Variants in GRIA4 observed in about 807,000 individuals in gnomAD.
GRIA4 encodes glutamate receptor 4.
GRIA4 carries 34 observed loss-of-function variants against 104.0 expected under a neutral mutation model. The ratio of observed to expected loss-of-function variants is 0.33; its 90% CI spans 0.25 to 0.44. GRIA4 has a LOEUF of 0.44. Ranked by LOEUF, GRIA4 falls within the 20% of genes least tolerant of loss-of-function variation. The probability of loss-of-function intolerance (pLI) is 1.00; values close to 1 mark genes in which losing one functional copy is unlikely to be tolerated. For missense variants in GRIA4, 750 were observed against 1,096.5 expected (o/e 0.68, Z 4.46); for synonymous variants, 386 against 381.9 (o/e 1.01, Z -0.13).
At chr11:105,632,805 T>C (rs1951069366) in intron 3 of GRIA4, among the ~76,000 whole-genome samples, 1 of 152,092 alleles carries the variant, frequency 6.6e-6, no homozygotes, top group Non-Finnish European at 1.5e-5. Context: ...AGAAAAAATT[T>C]TGTAGAAAGT....
At chr11:105,699,286 C>A (rs1046239663) in intron 3 of GRIA4, among the ~76,000 whole-genome samples, 5 of 152,122 alleles carry the variant, frequency 3.3e-5, no homozygotes, top group Non-Finnish European at 5.9e-5. Flanking sequence ...TGTAGGATGT[C>A]CCCAACTTGT....
rs1565378341 is a variant in GRIA4 at position 105,979,744 on chromosome 11, C to A, written c.*5C>A. The A allele has an allele frequency of 6.2e-7, 1 of 1,605,376 alleles. No individual in the cohort carries two copies. On this transcript the variant is annotated 3_prime_UTR_variant, in exon 17 of 17. Transcript: ENST00000282499. Reference sequence around the variant, plus strand: ...ATTGCATCGGACCTACCATAAAAACCAAAAAAATAATTGAGTGCCTTAATT... The same window carrying A: ...ATTGCATCGGACCTACCATAAAAACAAAAAAAATAATTGAGTGCCTTAATT...
chr11:105,881,673 G>A (rs1316514574), intron 5 of GRIA4, among the ~76,000 whole-genome samples: 1 of 151,780 alleles, frequency 6.6e-6, no homozygotes, highest in African/African-American at 2.4e-5. Flanking sequence ...AATTTCTGAC[G>A]TCTCCAAGTA....
intron 4 of GRIA4, among the ~76,000 whole-genome samples, chr11:105,769,588 T>A (rs1161534152): frequency 6.6e-6 from 1 of 151,964 alleles, no homozygotes; most frequent in Non-Finnish European, 1.5e-5. Flanking sequence ...CACCTGAAAA[T>A]TTGAATTCTG....
intron 3 of GRIA4, among the ~76,000 whole-genome samples, chr11:105,641,942 C>T (rs1951372861): frequency 6.6e-6 from 1 of 152,156 alleles, no homozygotes; most frequent in East Asian, 1.9e-4. Flanking sequence ...AGTCTGAGAT[C>T]AAGGAGGCAG....
intron 11 of GRIA4, among the ~76,000 whole-genome samples, chr11:105,920,282 C>G (rs948481589): frequency 4.6e-5 from 7 of 152,080 alleles, no homozygotes; most frequent in African/African-American, 1.7e-4. Context: ...TCATATTGAG[C>G]TTTAAATTCC....
chr11:105,806,494 C>A (rs1453931612), intron 4 of GRIA4, among the ~76,000 whole-genome samples: 1 of 151,902 alleles, frequency 6.6e-6, no homozygotes, highest in African/African-American at 2.4e-5. Context: ...CTCCCCATTT[C>A]TTTCCTAAGT....
intron 3 of GRIA4, among the ~76,000 whole-genome samples, chr11:105,625,013 T>C (rs1950849961): frequency 6.6e-6 from 1 of 152,138 alleles, no homozygotes; most frequent in Admixed American, 6.6e-5. Context: ...ATTATAAATT[T>C]AAAAATGTGT....
At chr11:105,657,253 C>A (rs950190037) in intron 3 of GRIA4, among the ~76,000 whole-genome samples, 1 of 151,894 alleles carries the variant, frequency 6.6e-6, no homozygotes, top group East Asian at 1.9e-4. Flanking sequence ...TTATCTGCAA[C>A]AAACAAGCTT....
intron 5 of GRIA4, among the ~76,000 whole-genome samples, chr11:105,867,997 C>A (rs181661022): frequency 6.6e-6 from 1 of 152,252 alleles, no homozygotes; most frequent in African/African-American, 2.4e-5. Flanking sequence ...AGGTGAGCAA[C>A]TCATGGTCCT....
intron 10 of GRIA4, among the ~76,000 whole-genome samples, chr11:105,914,638 A>T (rs1278396188): frequency 6.6e-6 from 1 of 152,168 alleles, no homozygotes; most frequent in African/African-American, 2.4e-5. Context: ...CAGATGTAGA[A>T]CCCCATTCAT....
intron 3 of GRIA4, among the ~76,000 whole-genome samples, chr11:105,691,597 G>A (rs974453484): frequency 2.0e-5 from 3 of 152,110 alleles, no homozygotes; most frequent in Non-Finnish European, 2.9e-5. Flanking sequence ...GAGTAAATAA[G>A]TTATTTTTTA....
At chr11:105,886,226 T>C (rs1486108452) in intron 5 of GRIA4, among the ~76,000 whole-genome samples, 1 of 152,112 alleles carries the variant, frequency 6.6e-6, no homozygotes, top group African/African-American at 2.4e-5. Context: ...CATAGTAGTA[T>C]ATATATTTAT....
intron 3 of GRIA4, among the ~76,000 whole-genome samples, chr11:105,639,685 A>C (rs1319216626): frequency 6.6e-6 from 1 of 152,026 alleles, no homozygotes; most frequent in African/African-American, 2.4e-5. Context: ...TCTATAAATA[A>C]TGTTGTTTCT....
At chr11:105,797,613 T>C (rs1942536514) in intron 4 of GRIA4, 3 of 251,152 alleles carry the variant, frequency 1.2e-5, no homozygotes, top group South Asian at 1.1e-4. Flanking sequence ...CCTTCCCATC[T>C]GATTCTTTGT....
chr11:105,629,387 A>G (rs1415333124), intron 3 of GRIA4, among the ~76,000 whole-genome samples: 1 of 152,058 alleles, frequency 6.6e-6, no homozygotes, highest in Non-Finnish European at 1.5e-5. Context: ...GAATAGCTAA[A>G]TGATAAATAT....
chr11:105,738,032 G>A lies in GRIA4; in HGVS notation c.248-14949G>A, dbSNP rs1419479385. On this transcript the variant is annotated intron_variant, in intron 3 of 16. Coordinates refer to ENST00000282499, the MANE Select transcript of GRIA4 (RefSeq NM_000829.4). Reference sequence around the variant, plus strand: ...CCCCTCCCACCCCCCTGCCCTGTTCGCTTTCCCCAGCTAACTGCCTGGATG... The same window carrying A: ...CCCCTCCCACCCCCCTGCCCTGTTCACTTTCCCCAGCTAACTGCCTGGATG... 4.4e-5 allele frequency among the ~76,000 whole-genome samples: 6 copies of A among 135,544 alleles called. 1 individual carries two copies. The highest frequency in any genetic ancestry group is 4.6e-4 in the South Asian group (2 of 4,392). 88.9% of individuals were successfully genotyped at this position (135,544 alleles called of 152,430 possible). A position where few individuals can be genotyped will look rare whatever the true frequency, so the allele number is the denominator to read the frequency against.
At chr11:105,973,804 G>A (rs1858825257) in intron 15 of GRIA4, among the ~76,000 whole-genome samples, 2 of 152,120 alleles carry the variant, frequency 1.3e-5, no homozygotes, top group Admixed American at 1.3e-4. Flanking sequence ...AACAAAATGT[G>A]AAACCATCAG....
chr11:105,785,735 G>A (rs558253841), intron 4 of GRIA4, among the ~76,000 whole-genome samples: 124 of 152,072 alleles, frequency 8.2e-4, no homozygotes, highest in African/African-American at 2.8e-3. Flanking sequence ...TTTTACTCTG[G>A]TACTAAAATC....
Sources: allele counts gnomAD v4.1 joint callset (sites outside exome capture counted in the v4.1 genomes callset), GRCh38; gene constraint gnomAD v4.1.1; transcripts MANE v1.5; gene names NCBI Gene and HGNC (gene_info 2026-07-23, HGNC 2026-07-21).